Variants in ARHGAP8 observed in about 807,000 individuals in gnomAD.
ARHGAP8 encodes the protein rho GTPase-activating protein 8.
Under a neutral mutation model 46.1 loss-of-function variants are expected in ARHGAP8, and 62 were observed. The observed-to-expected ratio is 1.34, with a 90% CI of 1.10 to 1.66. ARHGAP8 has a LOEUF of 1.66. Among genes scored for constraint, ARHGAP8 ranks in the 40% most tolerant of loss-of-function variants. The probability of loss-of-function intolerance (pLI) is 0.00; values close to 1 mark genes in which losing one functional copy is unlikely to be tolerated. For synonymous variants in ARHGAP8, 375 were observed against 243.1 expected, an observed-to-expected ratio of 1.54 and a Z score of -5.05; for missense variants, 923 against 568.4, an observed-to-expected ratio of 1.62 and a Z score of -6.34.
At chr22:44,774,058 A>C (rs1477785853) in intron 1 of ARHGAP8, among the ~76,000 whole-genome samples, 1 of 152,218 alleles carries the variant, frequency 6.6e-6, no homozygotes, top group African/African-American at 2.4e-5. Context: ...ATAAACTAAG[A>C]AATGGAGACA....
At chr22:44,821,685 G>C (rs1398368526) in intron 5 of ARHGAP8, among the ~76,000 whole-genome samples, 1 of 152,226 alleles carries the variant, frequency 6.6e-6, no homozygotes, top group Non-Finnish European at 1.5e-5. Context: ...CAGTGGACTA[G>C]ACCTGCAAAT....
chr22:44,807,271 T>C (rs975661259), intron 3 of ARHGAP8, among the ~76,000 whole-genome samples: 1 of 152,112 alleles, frequency 6.6e-6, no homozygotes, highest in Non-Finnish European at 1.5e-5. Context: ...AGGGGGTCCT[T>C]CTGGAGCCCT....
At chr22:44,769,097 A>T (rs972517358) in intron 1 of ARHGAP8, among the ~76,000 whole-genome samples, 1 of 152,096 alleles carries the variant, frequency 6.6e-6, no homozygotes, top group African/African-American at 2.4e-5. Flanking sequence ...GGCCTCCCAA[A>T]GTGCTGGGAT....
At chr22:44,818,703 TTC>T (rs1252143106) in intron 5 of ARHGAP8, among the ~76,000 whole-genome samples, 1 of 129,230 alleles carries the variant, frequency 7.7e-6, no homozygotes, top group Non-Finnish European at 1.6e-5. Flanking sequence ...TTCCTTCCTT[TTC>T]TCTTTTTTTT....
At chr22:44,801,707 T>TG in intron 2 of ARHGAP8, 2 of 224,534 alleles carry the variant, frequency 8.9e-6, no homozygotes, top group Non-Finnish European at 1.8e-5. Context: ...AATCATGGGG[T>TG]GGGGGGTTGG....
chr22:44,824,132 G>A (rs773818804), intron 6 of ARHGAP8, among the ~76,000 whole-genome samples: 23 of 152,272 alleles, frequency 1.5e-4, no homozygotes, highest in East Asian at 3.9e-4. Flanking sequence ...CTGGCACAGC[G>A]GCAGGGCAGG....
rs1395836700 is a variant in ARHGAP8, at chr22:44,842,052, A to G, written c.597-3217A>G. Among the ~76,000 whole-genome samples the G allele has an allele frequency of 5.9e-5, 9 of 152,236 alleles. No individual in the cohort carries two copies. The East Asian group carries it at 1.7e-3, about 29-fold the overall frequency. ...TCTCAGGCCCTGTGTTGGACACTTG[A>G]TTTGAAGGGTTAAAACCAGGCACAG... On this transcript the variant is annotated intron_variant, in intron 7 of 11. Transcript: ENST00000356099.
chr22:44,848,869 G>T, intron 9 of ARHGAP8, 63 bp from the exon 10 acceptor site: 12 of 1,603,318 alleles, frequency 7.5e-6, no homozygotes, highest in Non-Finnish European at 1.0e-5. Context: ...CTCAGAGCTC[G>T]TTCTGCAGCG....
chr22:44,802,302 C>T (rs934116151), intron 3 of ARHGAP8, 138 bp downstream of exon 3: 1 of 1,105,772 alleles, frequency 9.0e-7, no homozygotes. Flanking sequence ...AGAGCTCTTG[C>T]ACTCATGAGC....
chr22:44,828,425 ATT>A (rs535537198), intron 7 of ARHGAP8, among the ~76,000 whole-genome samples: 2,599 of 118,170 alleles, frequency 0.022, 52 homozygotes, highest in African/African-American at 0.066. Context: ...GCAGACCAGA[ATT>A]TTTTTTTTTT....
intron 4 of ARHGAP8, among the ~76,000 whole-genome samples, chr22:44,811,960 G>A (rs1191488428): frequency 1.3e-5 from 2 of 149,004 alleles, no homozygotes; most frequent in Non-Finnish European, 3.0e-5. Flanking sequence ...TCGCGCCACC[G>A]CACTCCATCC....
intron 4 of ARHGAP8, chr22:44,809,105 G>A (rs1018814846): frequency 1.9e-5 from 9 of 470,468 alleles, no homozygotes; most frequent in Non-Finnish European, 3.5e-5. Flanking sequence ...ACAGGCAGGA[G>A]CCACCATGCC....
intron 1 of ARHGAP8, among the ~76,000 whole-genome samples, chr22:44,785,240 C>G (rs1252417840): frequency 2.6e-5 from 4 of 152,140 alleles, no homozygotes; most frequent in Admixed American, 2.6e-4. Context: ...TCGTCATGCC[C>G]TAGGCCTCCT....
intron 1 of ARHGAP8, among the ~76,000 whole-genome samples, chr22:44,773,055 ACCTTC>A (rs746944604): frequency 1.4e-3 from 218 of 151,950 alleles, no homozygotes; most frequent in Non-Finnish European, 8.1e-4. Flanking sequence ...GGCTTAAGTT[ACCTTC>A]CTGCTTTGGC....
chr22:44,829,015 G>T (rs902959856), intron 7 of ARHGAP8, among the ~76,000 whole-genome samples: 1 of 148,470 alleles, frequency 6.7e-6, no homozygotes, highest in Admixed American at 6.9e-5. Context: ...GCTCATGCCT[G>T]TAATCCCAAC....
At chr22:44,795,760 G>A (rs767861760) in intron 2 of ARHGAP8, among the ~76,000 whole-genome samples, 45 of 152,144 alleles carry the variant, frequency 3.0e-4, no homozygotes, top group Non-Finnish European at 6.3e-4. Flanking sequence ...TTGGACACCA[G>A]GTCTGAGCCA....
intron 1 of ARHGAP8, among the ~76,000 whole-genome samples, chr22:44,774,992 G>C (rs1926319623): frequency 6.6e-6 from 1 of 151,690 alleles, no homozygotes; most frequent in African/African-American, 2.4e-5. Context: ...CACCATGCCT[G>C]GCTAACTTTT....
intron 11 of ARHGAP8, 111 bp downstream of exon 11, chr22:44,859,945 T>G: frequency 3.1e-6 from 4 of 1,295,690 alleles, no homozygotes; most frequent in Non-Finnish European, 4.2e-6. Context: ...ATGCCCTGCT[T>G]GGGCCTCGGA....
At chr22:44,860,418 C>G (rs963402869) in intron 11 of ARHGAP8, among the ~76,000 whole-genome samples, 1 of 147,094 alleles carries the variant, frequency 6.8e-6, no homozygotes, top group African/African-American at 2.7e-5. Context: ...GCCTCCAGCT[C>G]CCCCCTGGCC....
Sources: gnomAD v4.1 joint callset for allele counts (sites outside exome capture counted in the v4.1 genomes callset) on GRCh38, gnomAD v4.1.1 for gene constraint, MANE v1.5 for transcripts, NCBI Gene and HGNC (gene_info 2026-07-23, HGNC 2026-07-21) for gene names.